ZZEF1: variants seen among roughly 807,000 people sequenced by gnomAD.
The protein encoded by ZZEF1 is zinc finger ZZ-type and EF-hand domain-containing protein 1.
In ZZEF1, 157 loss-of-function variants were observed where a neutral mutation model predicts 342.8. That is an observed-to-expected ratio of 0.46 (90% CI 0.40 to 0.52). The LOEUF is 0.52. ZZEF1 is among the 20% of genes least tolerant of loss of function. The probability of loss-of-function intolerance (pLI) is 0.00; values close to 1 mark genes in which losing one functional copy is unlikely to be tolerated. For missense variants in ZZEF1, 3,480 were observed against 3,725.6 expected (o/e 0.93, Z 1.72); for synonymous variants, 1,505 against 1,429.1 (o/e 1.05, Z -1.20).
intron 36 of ZZEF1, 93 bp downstream of exon 36, chr17:4,050,688 C>T: frequency 6.4e-7 from 1 of 1,564,554 alleles, no homozygotes; most frequent in East Asian, 2.2e-5. Flanking sequence ...GATGTTGCCA[C>T]CTGTAAACTA....
chr17:4,062,679 A>G, intron 30 of ZZEF1, 74 bp downstream of exon 30: 1 of 1,437,382 alleles, frequency 7.0e-7, no homozygotes, highest in East Asian at 2.5e-5. Context: ...GCTGCTATTA[A>G]TCAGAGAAGA....
chr17:4,018,091 T>C, intron 46 of ZZEF1, 120 bp from the exon 47 acceptor site: 3 of 1,325,720 alleles, frequency 2.3e-6, no homozygotes, highest in East Asian at 4.8e-5. Context: ...AATGACATTA[T>C]CATATTCCGT....
At chr17:4,047,565 C>A (rs980301562) in intron 37 of ZZEF1, among the ~76,000 whole-genome samples, 12 of 152,086 alleles carry the variant, frequency 7.9e-5, no homozygotes, top group African/African-American at 2.7e-4. Flanking sequence ...ATCGTTGGAG[C>A]CCAGGAGGTG....
intron 39 of ZZEF1, among the ~76,000 whole-genome samples, chr17:4,036,317 GTT>G (rs1244811491): frequency 6.6e-6 from 1 of 152,166 alleles, no homozygotes; most frequent in Non-Finnish European, 1.5e-5. Flanking sequence ...ATTTAAAAAT[GTT>G]TACCAGCAAT....
chr17:4,112,442 C>T (rs1054182793), intron 5 of ZZEF1, among the ~76,000 whole-genome samples, 167 bp downstream of exon 5: 4 of 152,008 alleles, frequency 2.6e-5, no homozygotes, highest in African/African-American at 9.7e-5. Context: ...CAGCATGCCC[C>T]GACGCTTTTC....
rs148325305 is a variant in ZZEF1, at chr17:4,034,201, T to C, written c.6398A>G (p.Tyr2133Cys). The C allele has an allele frequency of 3.9e-4, 625 of 1,614,026 alleles. No individual in the cohort carries two copies. The highest frequency in any genetic ancestry group is 4.9e-4 in the Non-Finnish European group (574 of 1,180,026). The change falls in exon 40 of 55, where the codon TAC becomes TGC. Residue 2133 changes from tyrosine (Y) to cysteine (C), a missense_variant. Transcript: ENST00000381638. ...ISNAGHLNETYHLTLGLLGQL... is the reference protein window; with the variant it reads ...ISNAGHLNETCHLTLGLLGQL... ...GCCGAGAAGACCCAGGGTGAGATGG[T>C]AGGTTTCATTCAGGTGGCCTGCGTT...
chr17:4,096,446 A>T (rs1340124377), intron 10 of ZZEF1, among the ~76,000 whole-genome samples, 163 bp downstream of exon 10: 4 of 152,248 alleles, frequency 2.6e-5, no homozygotes, highest in African/African-American at 9.6e-5. Flanking sequence ...TAAATGCCTG[A>T]GGGGATGAAT....
chr17:4,059,438 A>AT, intron 30 of ZZEF1, 148 bp from the exon 31 acceptor site: 1 of 973,508 alleles, frequency 1.0e-6, no homozygotes, highest in Non-Finnish European at 1.5e-6. Flanking sequence ...TATAATACCT[A>AT]TAGAAGGTAA....
In ZZEF1 at chr17:4,016,829, G is replaced by A. The variant is rs1296228661; in HGVS notation, c.8002-363C>T. On this transcript the variant is annotated intron_variant, in intron 48 of 54. Coordinates refer to ENST00000381638, the MANE Select transcript of ZZEF1 (RefSeq NM_015113.4). The surrounding 1 kb of genome is among the most constrained non-coding windows in gnomAD (Gnocchi z 4.4). ...ATCGATGCCTGGAGTGAGGTGCAGG[G>A]TTGGGAGCTCTAGGTGGCAAGAACT... 2 of 208,740 alleles carry A rather than the reference G, an allele frequency of 9.6e-6. No individual in the cohort carries two copies. The highest frequency in any genetic ancestry group is 1.9e-5 in the Non-Finnish European group (2 of 103,554). The allele number at this position is 208,740 out of a possible 1,614,324, so 12.9% of individuals were successfully genotyped here.
At chr17:4,134,447 C>T (rs2058717048) in intron 1 of ZZEF1, among the ~76,000 whole-genome samples, 1 of 150,860 alleles carries the variant, frequency 6.6e-6, no homozygotes, top group Non-Finnish European at 1.5e-5. Context: ...GCACACAGTC[C>T]TTTCCCTTCA....
chr17:4,024,187 T>TTTTTTC, intron 43 of ZZEF1, among the ~76,000 whole-genome samples: 1 of 80,176 alleles, frequency 1.2e-5, no homozygotes, highest in African/African-American at 7.4e-5. Flanking sequence ...ATTGCCCAGG[T>TTTTTTC]TTTTTTTTTT....
intron 33 of ZZEF1, among the ~76,000 whole-genome samples, chr17:4,055,917 C>T (rs1033019521): frequency 3.9e-5 from 6 of 152,198 alleles, no homozygotes; most frequent in African/African-American, 1.4e-4. Flanking sequence ...AGTCATTAGA[C>T]TCTCATAAGC....
intron 1 of ZZEF1, among the ~76,000 whole-genome samples, chr17:4,125,599 T>C (rs1272622917): frequency 6.6e-6 from 1 of 152,234 alleles, no homozygotes; most frequent in Non-Finnish European, 1.5e-5. Context: ...AAGACTTCAC[T>C]AATCAAGGTA....
chr17:4,048,205 C>T lies in ZZEF1; in HGVS notation c.6015+1503G>A, dbSNP rs570681781. Among the ~76,000 whole-genome samples the T allele has an allele frequency of 3.1e-4, 47 of 152,232 alleles. No individual in the cohort carries two copies. The South Asian group carries it at 7.7e-3, about 25-fold the overall frequency. On this transcript the variant is annotated intron_variant, in intron 37 of 54. Coordinates refer to ENST00000381638, the MANE Select transcript of ZZEF1 (RefSeq NM_015113.4). ...CATAATCCGTGGGTGGTTAAAGTGC[C>T]GCCTACAGAAGACGTTTCATGGAAA...
chr17:4,034,126 T>G lies in ZZEF1; in HGVS notation c.6473A>C (p.Lys2158Thr). ...CAGGTTGTGTTTGGCTGAGAGGACT[T>G]TGATCACTGCGGCGTCTACCTCTGC... ...LPAEVDAAVI[K>T]VLSAKHNLFA... Residue 2158 changes from lysine to threonine, a missense_variant, in exon 40 of 55, where the codon AAA becomes ACA. By Grantham distance (78) the Lys-to-Thr change is moderately conservative. This residue lies in a region of ZZEF1 where 1,269 missense variants were observed against 1,342.4 expected (regional missense o/e 0.95). Transcript: ENST00000381638. The G allele has an allele frequency of 6.2e-7, 1 of 1,614,182 alleles. No homozygotes were observed. Among genetic ancestry groups the G allele is most frequent in the African/African-American group, 1.3e-5 (1 of 75,042 alleles).
At chr17:4,116,113 A>G (rs140465255) in intron 3 of ZZEF1, among the ~76,000 whole-genome samples, 2 of 152,300 alleles carry the variant, frequency 1.3e-5, no homozygotes, top group East Asian at 3.9e-4. Flanking sequence ...TGAGGTCAGG[A>G]GTTTAAGACC....
In ZZEF1 at chr17:4,142,650, G is replaced by T; in HGVS notation, c.246C>A (p.Arg82=). Reference sequence around the variant, plus strand: ...CGCGGCCCAGCCGCTCTTCCAGCCAGCGAAACAACGCGCCGCGATGCCTCG... The same window carrying T: ...CGCGGCCCAGCCGCTCTTCCAGCCATCGAAACAACGCGCCGCGATGCCTCG... ...LVSRHRGALF[R]WLEERLGRGE... is the part of the protein sequence containing the mutation. Residue 82 remains arginine (R), a synonymous_variant, in exon 1 of 55, where the codon CGC becomes CGA. Transcript: ENST00000381638. 1 of 1,607,252 alleles carries T rather than the reference G, an allele frequency of 6.2e-7. No homozygotes were observed.
chr17:4,032,762 G>A, intron 41 of ZZEF1, 66 bp downstream of exon 41: 1 of 1,546,938 alleles, frequency 6.5e-7, no homozygotes, highest in South Asian at 1.2e-5. Context: ...AAGCCACAGA[G>A]GCTTTGGTGT....
At chr17:4,068,040 T>C (rs2057435601) in intron 26 of ZZEF1, among the ~76,000 whole-genome samples, 1 of 152,200 alleles carries the variant, frequency 6.6e-6, no homozygotes, top group South Asian at 2.1e-4. Flanking sequence ...ACTGTGCCCC[T>C]GCACTCTAGC....
Sources: gnomAD v4.1 joint callset for allele counts (sites outside exome capture counted in the v4.1 genomes callset) on GRCh38, gnomAD v4.1.1 for gene constraint, gnomAD v4.1.1 regional missense constraint, Gnocchi (gnomAD v3.1) non-coding constraint, MANE v1.5 for transcripts, NCBI Gene and HGNC (gene_info 2026-07-23, HGNC 2026-07-21) for gene names.